The following ACTR3B variants were observed in gnomAD, a reference collection of about 807,000 sequenced individuals.
The protein encoded by ACTR3B is actin-related protein 3B.
A neutral mutation model predicts 59.0 loss-of-function variants in ACTR3B; 8 were observed. The observed-to-expected ratio is 0.14, with a 90% CI of 0.08 to 0.24. ACTR3B has a LOEUF of 0.24. Among genes scored for constraint, ACTR3B ranks in the 10% least tolerant of loss-of-function variants. ACTR3B has a pLI of 1.00. For synonymous variants in ACTR3B, 148 were observed against 197.9 expected (o/e 0.75, Z 2.12); for missense variants, 245 against 552.3 (o/e 0.44, Z 5.58).
intron 7 of ACTR3B, 110 bp downstream of exon 7, chr7:152,820,552 C>G (rs947171533): frequency 4.4e-5 from 65 of 1,470,938 alleles, no homozygotes; most frequent in South Asian, 1.4e-5. Flanking sequence ...CTCCCCTTCC[C>G]ATGAATGTGG....
intron 1 of ACTR3B, among the ~76,000 whole-genome samples, chr7:152,765,432 T>G (rs1390123017): frequency 6.8e-6 from 1 of 147,526 alleles, no homozygotes; most frequent in East Asian, 2.0e-4. Flanking sequence ...TTTTTTTTTT[T>G]AAATAGTCAT....
intron 2 of ACTR3B, among the ~76,000 whole-genome samples, chr7:152,799,165 A>G (rs1436096795): frequency 1.3e-5 from 2 of 152,244 alleles, no homozygotes; most frequent in African/African-American, 4.8e-5. Flanking sequence ...TTTCATCAGA[A>G]ATACATTAAG....
At chr7:152,790,645 G>A (rs1389135319) in intron 2 of ACTR3B, among the ~76,000 whole-genome samples, 1 of 151,950 alleles carries the variant, frequency 6.6e-6, no homozygotes, top group South Asian at 2.1e-4. Context: ...TTGTGTATCA[G>A]GATTATATGG....
intron 2 of ACTR3B, among the ~76,000 whole-genome samples, chr7:152,800,291 A>G (rs1413058259): frequency 6.6e-6 from 1 of 152,280 alleles, no homozygotes. Flanking sequence ...TTCTGTCAGT[A>G]TAAAAGTAGA....
intron 2 of ACTR3B, among the ~76,000 whole-genome samples, chr7:152,791,015 CTTT>C (rs540702221): frequency 5.8e-5 from 8 of 138,474 alleles, no homozygotes; most frequent in Non-Finnish European, 3.2e-5. Context: ...AATAATTGTT[CTTT>C]TTTTTTTTTT....
chr7:152,784,109 G>C (rs2098163931), intron 2 of ACTR3B, among the ~76,000 whole-genome samples: 1 of 152,152 alleles, frequency 6.6e-6, no homozygotes, highest in African/African-American at 2.4e-5. Context: ...AAAAAGATAG[G>C]ATTCCCTGGA....
chr7:152,828,392 C>CCTCCAGAAGCAGCGTCT (rs1287057813), intron 9 of ACTR3B, among the ~76,000 whole-genome samples: 1 of 152,140 alleles, frequency 6.6e-6, no homozygotes, highest in Non-Finnish European at 1.5e-5. Context: ...GAGTAGGGTC[C>CCTCCAGAAGCAGCGTCT]CTCCAGAAGC....
intron 2 of ACTR3B, among the ~76,000 whole-genome samples, chr7:152,789,450 G>T (rs1267661106): frequency 6.6e-6 from 1 of 150,632 alleles, no homozygotes; most frequent in Non-Finnish European, 1.5e-5. Context: ...TTATTTTTAG[G>T]TACCTTTAAG....
intron 4 of ACTR3B, 185 bp from the exon 5 acceptor site, chr7:152,814,365 A>T: frequency 4.0e-6 from 2 of 505,392 alleles, no homozygotes; most frequent in Non-Finnish European, 6.9e-6. Flanking sequence ...ATTTACTCTG[A>T]CGTCTTAAAG....
chr7:152,799,211 G>C (rs891364111), intron 2 of ACTR3B, among the ~76,000 whole-genome samples: 7 of 152,114 alleles, frequency 4.6e-5, no homozygotes, highest in Admixed American at 1.3e-4. Flanking sequence ...TATGGAATTA[G>C]GTTTATGTTA....
chr7:152,766,443 C>T (rs1028513233), intron 1 of ACTR3B, among the ~76,000 whole-genome samples: 5 of 152,138 alleles, frequency 3.3e-5, no homozygotes, highest in African/African-American at 1.2e-4. Context: ...CGTTGTTTGC[C>T]ACTCTAGGAG....
chr7:152,773,653 T>C (rs2098129562), intron 1 of ACTR3B, among the ~76,000 whole-genome samples: 1 of 152,200 alleles, frequency 6.6e-6, no homozygotes, highest in Non-Finnish European at 1.5e-5. Flanking sequence ...AGCGTGAGTA[T>C]TATTTGATTG....
intron 2 of ACTR3B, among the ~76,000 whole-genome samples, chr7:152,789,313 G>A (rs1036065219): frequency 3.4e-5 from 5 of 149,084 alleles, no homozygotes; most frequent in Non-Finnish European, 7.4e-5. Context: ...GATTGCTTGA[G>A]CCCAGGAGAT....
rs1172216085 is a variant in ACTR3B at position 152,818,827 on chromosome 7, G to A, written c.541-1472G>A. 2.0e-5 allele frequency among the ~76,000 whole-genome samples: 3 copies of A among 152,220 alleles called. No homozygotes were observed. In the East Asian group the frequency reaches 5.8e-4, roughly 29 times the overall value. On this transcript the variant is annotated intron_variant, in intron 6 of 11. Coordinates refer to ENST00000256001, the MANE Select transcript of ACTR3B (RefSeq NM_020445.6). The stretch of plus-strand genomic sequence containing the variant: ...TTTAAACACAATTGGAATGTCTCAT[G>A]TCTGGTTTGGGATTCTACATATAAT...
At chr7:152,825,962 C>T (rs1346842804) in intron 9 of ACTR3B, among the ~76,000 whole-genome samples, 3 of 152,136 alleles carry the variant, frequency 2.0e-5, no homozygotes, top group Non-Finnish European at 4.4e-5. Context: ...ACTGACAGCC[C>T]GAGATGGTGA....
intron 7 of ACTR3B, among the ~76,000 whole-genome samples, chr7:152,821,996 G>A (rs1796207568): frequency 6.6e-6 from 1 of 152,208 alleles, no homozygotes; most frequent in Admixed American, 6.5e-5. Flanking sequence ...GCAAGCATTT[G>A]AGTTAAGTAA....
rs1799065631 is a variant in ACTR3B at position 152,854,098 on chromosome 7, A to C, written c.1162-360A>C. ...GTCCTTGCTAATTAGGGGTTACAGAAAACATGGTAAGTGGCATCCAAAAAT... is the reference window on the plus strand; with the variant it reads ...GTCCTTGCTAATTAGGGGTTACAGACAACATGGTAAGTGGCATCCAAAAAT... On this transcript the variant is annotated intron_variant, in intron 11 of 11. Coordinates refer to ENST00000256001, the MANE Select transcript of ACTR3B (RefSeq NM_020445.6). This position sits in a 1 kb window ranked among gnomAD's most constrained non-coding sequence, Gnocchi z 4.9. 6.6e-6 allele frequency among the ~76,000 whole-genome samples: 1 copy of C among 152,200 alleles called. No individual in the cohort carries two copies. The highest frequency in any genetic ancestry group is 1.5e-5 in the Non-Finnish European group (1 of 68,038).
chr7:152,844,508 AC>A (rs1359418473), intron 9 of ACTR3B, among the ~76,000 whole-genome samples: 10 of 152,238 alleles, frequency 6.6e-5, no homozygotes, highest in African/African-American at 2.2e-4. Flanking sequence ...TGTTAGGCTT[AC>A]GTTTATTTGA....
At chr7:152,811,066 G>GTA (rs1489565294) in intron 4 of ACTR3B, 1 of 150,582 alleles carries the variant, frequency 6.6e-6, no homozygotes, top group African/African-American at 2.4e-5. Context: ...GTTTAGTGAT[G>GTA]GGTATTTAGG....
Sources: allele counts gnomAD v4.1 joint callset (sites outside exome capture counted in the v4.1 genomes callset), GRCh38; gene constraint gnomAD v4.1.1; non-coding constraint Gnocchi (gnomAD v3.1); transcripts MANE v1.5; gene names NCBI Gene and HGNC (gene_info 2026-07-23, HGNC 2026-07-21).